Variants in UPP2 observed in about 807,000 individuals in gnomAD.
UPP2 encodes uridine phosphorylase 2.
A neutral mutation model predicts 26.7 loss-of-function variants in UPP2; 23 were observed. That is an observed-to-expected ratio of 0.86 (90% CI 0.62 to 1.22). UPP2 has a LOEUF of 1.22. Ranked by LOEUF, UPP2 falls within the 50% of genes most tolerant of loss-of-function variation. The pLI, the probability that UPP2 is intolerant of heterozygous loss-of-function variation, is 0.00. For missense variants in UPP2, 387 were observed against 396.7 expected, an observed-to-expected ratio of 0.98 and a Z score of 0.21; for synonymous variants, 127 against 141.3, an observed-to-expected ratio of 0.90 and a Z score of 0.72.
intron 1 of UPP2, 116 bp downstream of exon 1, chr2:158,102,241 T>G: frequency 2.9e-6 from 3 of 1,051,870 alleles, no homozygotes; most frequent in Non-Finnish European, 4.0e-6. Context: ...AATGTAGAGA[T>G]TATATCACTG....
At chr2:158,114,522 C>T (rs1683383273) in intron 2 of UPP2, among the ~76,000 whole-genome samples, 1 of 152,106 alleles carries the variant, frequency 6.6e-6, no homozygotes, top group Non-Finnish European at 1.5e-5. Context: ...TGATGAAATG[C>T]CACAGGGAGA....
intron 3 of UPP2, among the ~76,000 whole-genome samples, chr2:158,048,585 C>A (rs894038629): frequency 6.6e-6 from 1 of 152,186 alleles, no homozygotes; most frequent in African/African-American, 2.4e-5. Context: ...GCCTGTATGA[C>A]AGAATGAGAC....
At chr2:158,038,436 G>C (rs185123833) in intron 3 of UPP2, among the ~76,000 whole-genome samples, 64 of 152,322 alleles carry the variant, frequency 4.2e-4, no homozygotes, top group Middle Eastern at 6.8e-3. Flanking sequence ...GCAAATCAAA[G>C]ATACTTTGTA....
At chr2:158,014,750 C>A (rs1010307938) in intron 2 of UPP2, among the ~76,000 whole-genome samples, 9 of 152,204 alleles carry the variant, frequency 5.9e-5, no homozygotes, top group African/African-American at 1.9e-4. Context: ...AAATAGAGAT[C>A]ATGCCAACTT....
At chr2:158,106,307 C>G in intron 2 of UPP2, 91 bp downstream of exon 2, 1 of 1,072,144 alleles carries the variant, frequency 9.3e-7, no homozygotes, top group Middle Eastern at 2.3e-4. Context: ...ACACCTTTGG[C>G]TAGCACAGTC....
chr2:158,016,610 A>G (rs1162310982), intron 3 of UPP2, among the ~76,000 whole-genome samples: 1 of 152,038 alleles, frequency 6.6e-6, no homozygotes. Context: ...AAAGTGCTGT[A>G]TTACAGGTGT....
intron 2 of UPP2, among the ~76,000 whole-genome samples, chr2:158,000,380 T>C (rs964383111): frequency 1.5e-4 from 23 of 152,090 alleles, no homozygotes; most frequent in African/African-American, 5.3e-4. Context: ...CCAACTTATA[T>C]TAAGTAAAAA....
At chr2:158,033,503 G>C (rs1339092781) in intron 3 of UPP2, among the ~76,000 whole-genome samples, 1 of 152,172 alleles carries the variant, frequency 6.6e-6, no homozygotes, top group Non-Finnish European at 1.5e-5. Flanking sequence ...CAGGGAGCTT[G>C]AGGGGAGCCA....
intron 3 of UPP2, among the ~76,000 whole-genome samples, chr2:158,020,623 C>G (rs1007074282): frequency 6.6e-6 from 1 of 152,202 alleles, no homozygotes; most frequent in Admixed American, 6.5e-5. Context: ...GCTAGAGAAG[C>G]CTGCTGAAGC....
At chr2:158,013,670 C>G (rs1448794865) in intron 2 of UPP2, among the ~76,000 whole-genome samples, 1 of 152,194 alleles carries the variant, frequency 6.6e-6, no homozygotes, top group Non-Finnish European at 1.5e-5. Context: ...AGAGTTCCTG[C>G]GTGGCAACAG....
At chr2:158,121,133 G>A (rs1228675448) in intron 4 of UPP2, among the ~76,000 whole-genome samples, 4 of 151,938 alleles carry the variant, frequency 2.6e-5, no homozygotes, top group Non-Finnish European at 5.9e-5. Context: ...ATTCAAATTT[G>A]AGCCCAAAGT....
chr2:158,130,814 C>T (rs754504513), intron 6 of UPP2, among the ~76,000 whole-genome samples: 2 of 152,176 alleles, frequency 1.3e-5, no homozygotes, highest in Admixed American at 6.5e-5. Flanking sequence ...AGATTCACTG[C>T]GCTTTCCCAA....
rs563287014 is a variant in UPP2, at chr2:158,135,797, C to T, written c.*907C>T. 38 of 152,328 alleles carry T rather than the reference C, an allele frequency of 2.5e-4. No individual in the cohort carries two copies. Among genetic ancestry groups the T allele is most frequent in the Admixed American group, 1.6e-3 (25 of 15,294 alleles). The allele number at this position is 152,328 out of a possible 1,614,324, so 9.4% of individuals were successfully genotyped here. ...ATGGTGCTCCTCCTGGCTGCACATG[C>T]TCTCTGTGAACTGATCGCATCTTGG... On this transcript the variant is annotated 3_prime_UTR_variant, in exon 7 of 7. Transcript: ENST00000005756.
intron 6 of UPP2, chr2:158,126,777 T>A (rs1160568096): frequency 6.6e-6 from 1 of 152,134 alleles, no homozygotes; most frequent in Admixed American, 6.6e-5. Flanking sequence ...CATCTGATGG[T>A]AAGCAATATG....
chr2:158,107,016 G>A (rs566075085), intron 2 of UPP2, among the ~76,000 whole-genome samples: 1 of 152,212 alleles, frequency 6.6e-6, no homozygotes, highest in African/African-American at 2.4e-5. Flanking sequence ...TCATTTATGG[G>A]TGTCAAGTGG....
chr2:158,033,508 GAGCCAGCC>G (rs368804329), intron 3 of UPP2, among the ~76,000 whole-genome samples: 1 of 152,044 alleles, frequency 6.6e-6, no homozygotes, highest in African/African-American at 2.4e-5. Context: ...AGCTTGAGGG[GAGCCAGCC>G]AGCCAGCCAG....
chr2:158,048,311 C>G (rs1682080685), intron 3 of UPP2, among the ~76,000 whole-genome samples: 1 of 152,086 alleles, frequency 6.6e-6, no homozygotes, highest in South Asian at 2.1e-4. Context: ...CTCAGGAAAA[C>G]AAAAGAAACT....
At chr2:158,130,147 A>G (rs1324408033) in intron 6 of UPP2, among the ~76,000 whole-genome samples, 1 of 152,082 alleles carries the variant, frequency 6.6e-6, no homozygotes, top group African/African-American at 2.4e-5. Flanking sequence ...TTAAACACTT[A>G]GATTGAGCTC....
At chr2:158,004,272 T>A (rs1355514566) in intron 2 of UPP2, among the ~76,000 whole-genome samples, 7 of 152,186 alleles carry the variant, frequency 4.6e-5, no homozygotes, top group Admixed American at 1.3e-4. Flanking sequence ...CGGGGGATGA[T>A]CTGCCTTAGT....
Sources: allele counts gnomAD v4.1 joint callset (sites outside exome capture counted in the v4.1 genomes callset), GRCh38; gene constraint gnomAD v4.1.1; transcripts MANE v1.5; gene names NCBI Gene and HGNC (gene_info 2026-07-23, HGNC 2026-07-21).